The following TMTC1 variants were observed in gnomAD, a reference collection of about 807,000 sequenced individuals.
TMTC1 encodes protein O-mannosyl-transferase TMTC1.
A neutral mutation model predicts 104.8 loss-of-function variants in TMTC1; 73 were observed. That is an observed-to-expected ratio of 0.70 (90% CI 0.58 to 0.85). TMTC1 has a LOEUF of 0.85. Ranked by LOEUF, TMTC1 falls within the 40% of genes least tolerant of loss-of-function variation. The pLI, the probability that TMTC1 is intolerant of heterozygous loss-of-function variation, is 0.00. For synonymous variants in TMTC1, 434 were observed against 428.7 expected, an observed-to-expected ratio of 1.01 and a Z score of -0.15; for missense variants, 1,035 against 1,096.1, an observed-to-expected ratio of 0.94 and a Z score of 0.79.
At chr12:29,768,806 A>T (rs1282648236) in intron 1 of TMTC1, among the ~76,000 whole-genome samples, 1 of 152,234 alleles carries the variant, frequency 6.6e-6, no homozygotes, top group Non-Finnish European at 1.5e-5. Context: ...AGGGAAAGAA[A>T]ACCAATTGCT....
intron 1 of TMTC1, among the ~76,000 whole-genome samples, chr12:29,781,938 G>A (rs1366492611): frequency 3.3e-5 from 5 of 152,226 alleles, no homozygotes; most frequent in African/African-American, 1.2e-4. Flanking sequence ...ACAGGCATTT[G>A]ACTCTGCCCT....
chr12:29,664,131 G>T lies in TMTC1; in HGVS notation c.939-30795C>A, dbSNP rs1940171250. 3.3e-5 allele frequency among the ~76,000 whole-genome samples: 5 copies of T among 150,062 alleles called. No individual in the cohort carries two copies. The South Asian group carries it at 1.0e-3, about 32-fold the overall frequency. The stretch of plus-strand genomic sequence containing the variant: ...GAACCCGGGAGGCGGAGCTTGCAGT[G>T]AGCCGAGATCCCGCCACTGCACTCC... On this transcript the variant is annotated intron_variant, in intron 5 of 17. Transcript: ENST00000539277.
At chr12:29,578,536 C>T (rs78974042) in intron 8 of TMTC1, among the ~76,000 whole-genome samples, 2,358 of 152,176 alleles carry the variant, frequency 0.015, 62 homozygotes, top group African/African-American at 0.054. Context: ...CATGGCCGAA[C>T]GCGAAACCCT....
Position 29,755,868 on chromosome 12 carries a change from C to T in TMTC1, c.572G>A (p.Cys191Tyr), listed in dbSNP as rs759624806. The change falls in exon 4 of 18, where the codon TGT becomes TAT. Residue 191 changes from cysteine (C) to tyrosine (Y), a missense_variant. Coordinates refer to ENST00000539277, the MANE Select transcript of TMTC1 (RefSeq NM_001193451.2). ...CGTGGAAGGGAAACTTCCCCCAACA[C>T]AGCCCTGATCCAGACTCCTGAAAAA... The part of the protein sequence containing the change: ...LSYNRSLDQG[C>Y]VGGSFPSTVS... The T allele has an allele frequency of 2.5e-6, 4 of 1,614,070 alleles. No individual in the cohort carries two copies. Among genetic ancestry groups the T allele is most frequent in the East Asian group, 4.5e-5 (2 of 44,884 alleles).
At chr12:29,563,219 GT>G (rs1406001231) in intron 9 of TMTC1, among the ~76,000 whole-genome samples, 1 of 152,152 alleles carries the variant, frequency 6.6e-6, no homozygotes, top group Non-Finnish European at 1.5e-5. Flanking sequence ...TTTTCTCCAA[GT>G]TTTTCCAATA....
intron 5 of TMTC1, among the ~76,000 whole-genome samples, chr12:29,693,336 C>A (rs1292916326): frequency 6.9e-6 from 1 of 144,592 alleles, no homozygotes; most frequent in African/African-American, 2.5e-5. Flanking sequence ...GCATATCCAT[C>A]ATCTCAAACA....
At chr12:29,765,897 T>C (rs982568060) in intron 2 of TMTC1, among the ~76,000 whole-genome samples, 1 of 152,248 alleles carries the variant, frequency 6.6e-6, no homozygotes, top group African/African-American at 2.4e-5. Flanking sequence ...AAATATCACA[T>C]AATGATCTAT....
intron 9 of TMTC1, among the ~76,000 whole-genome samples, chr12:29,559,898 C>A (rs960202009): frequency 3.3e-5 from 5 of 152,044 alleles, no homozygotes; most frequent in African/African-American, 4.8e-5. Context: ...GGATTCTTAA[C>A]AACCAGGTCA....
At chr12:29,591,743 A>G (rs917571148) in intron 7 of TMTC1, among the ~76,000 whole-genome samples, 3 of 152,208 alleles carry the variant, frequency 2.0e-5, no homozygotes, top group Non-Finnish European at 4.4e-5. Flanking sequence ...TATGATGCAC[A>G]TTCGAAGAGA....
chr12:29,590,095 CCATGTAAACAAATGAG>C (rs1946239976), intron 7 of TMTC1, among the ~76,000 whole-genome samples: 2 of 151,986 alleles, frequency 1.3e-5, no homozygotes, highest in African/African-American at 4.8e-5. Flanking sequence ...GCCATCCACA[CCATGTAAACAAATGAG>C]CATGGCTGTG....
chr12:29,738,888 G>A (rs1344093900), intron 5 of TMTC1, among the ~76,000 whole-genome samples: 1 of 152,156 alleles, frequency 6.6e-6, no homozygotes, highest in East Asian at 1.9e-4. Flanking sequence ...TTTCTTAAAT[G>A]TGAACACTCT....
intron 8 of TMTC1, among the ~76,000 whole-genome samples, chr12:29,580,048 GA>G (rs762801823): frequency 1.3e-5 from 2 of 152,128 alleles, no homozygotes; most frequent in Non-Finnish European, 2.9e-5. Context: ...CTTGCTGATA[GA>G]AAAAGTTTTG....
intron 2 of TMTC1, among the ~76,000 whole-genome samples, chr12:29,764,530 T>C (rs1433475564): frequency 2.0e-5 from 3 of 152,250 alleles, no homozygotes; most frequent in East Asian, 1.9e-4. Flanking sequence ...TAATAATTTA[T>C]CTCTATATCT....
intron 2 of TMTC1, among the ~76,000 whole-genome samples, chr12:29,761,112 T>C (rs1943339341): frequency 6.7e-6 from 1 of 148,342 alleles, no homozygotes; most frequent in Admixed American, 6.7e-5. Context: ...TATTGCAATA[T>C]AACATGTTTT....
In TMTC1 at chr12:29,713,039, T is replaced by A. The variant is rs542778758; in HGVS notation, c.938+38627A>T. 5.9e-5 allele frequency among the ~76,000 whole-genome samples: 9 copies of A among 152,112 alleles called. No homozygotes were observed. The South Asian group carries it at 1.9e-3, about 32-fold the overall frequency. Reference sequence around the variant, plus strand: ...ATGGAGTGAAATGGTTCTGTTTTCATAATGTGGGCGAGGCTCATCCAATCA... The same window carrying A: ...ATGGAGTGAAATGGTTCTGTTTTCAAAATGTGGGCGAGGCTCATCCAATCA... On this transcript the variant is annotated intron_variant, in intron 5 of 17. Coordinates refer to ENST00000539277, the MANE Select transcript of TMTC1 (RefSeq NM_001193451.2).
At chr12:29,643,859 A>ATATATT (rs1565734331) in intron 5 of TMTC1, among the ~76,000 whole-genome samples, 76 of 63,208 alleles carry the variant, frequency 1.2e-3, no homozygotes, top group African/African-American at 4.8e-3. Flanking sequence ...ATATATATTT[A>ATATATT]TATATATTTT....
intron 5 of TMTC1, among the ~76,000 whole-genome samples, chr12:29,653,941 A>C (rs1267128333): frequency 6.6e-6 from 1 of 152,236 alleles, no homozygotes; most frequent in African/African-American, 2.4e-5. Flanking sequence ...CATAATCTTC[A>C]TACAAATACA....
At position 29,699,558 on chromosome 12, in the gene TMTC1, T is replaced by C. The variant is rs532552792; in HGVS notation, c.938+52108A>G. On this transcript the variant is annotated intron_variant, in intron 5 of 17. Transcript: ENST00000539277. ...CATGTAACCTATTGCACATAAGATA[T>C]AGCAGAAAACTTCCAGAATTGTATT... Among the ~76,000 whole-genome samples, 8 of 151,752 alleles carry C rather than the reference T, an allele frequency of 5.3e-5. No individual in the cohort carries two copies. In the South Asian group the frequency reaches 1.7e-3, roughly 32 times the overall value.
chr12:29,777,957 G>A (rs1943750398), intron 1 of TMTC1, among the ~76,000 whole-genome samples: 1 of 152,176 alleles, frequency 6.6e-6, no homozygotes, highest in South Asian at 2.1e-4. Flanking sequence ...AAGGTTGTGG[G>A]CATGGAGGTT....
Sources: allele counts gnomAD v4.1 joint callset (sites outside exome capture counted in the v4.1 genomes callset), GRCh38; gene constraint gnomAD v4.1.1; transcripts MANE v1.5; gene names NCBI Gene and HGNC (gene_info 2026-07-23, HGNC 2026-07-21).